The following STX8 variants were observed in gnomAD, a reference collection of about 807,000 sequenced individuals.
STX8 encodes the protein syntaxin-8.
Under a neutral mutation model 37.5 loss-of-function variants are expected in STX8, and 23 were observed. That is an observed-to-expected ratio of 0.61 (90% CI 0.44 to 0.87). The LOEUF is 0.87. Ranked by LOEUF, STX8 falls within the 40% of genes least tolerant of loss-of-function variation. STX8 has a pLI of 0.00. For synonymous variants in STX8, 115 were observed against 99.1 expected, an observed-to-expected ratio of 1.16 and a Z score of -0.95; for missense variants, 313 against 284.7, an observed-to-expected ratio of 1.10 and a Z score of -0.71.
At chr17:9,252,621 A>G (rs868592711) in intron 7 of STX8, among the ~76,000 whole-genome samples, 2 of 151,514 alleles carry the variant, frequency 1.3e-5, no homozygotes, top group African/African-American at 2.4e-5. Flanking sequence ...AAAAAAAAAA[A>G]AAAAGAAAAC....
chr17:9,258,592 C>A (rs1377651912), intron 7 of STX8, among the ~76,000 whole-genome samples: 2 of 152,240 alleles, frequency 1.3e-5, no homozygotes, highest in South Asian at 2.1e-4. Context: ...TCTGATCACA[C>A]CCCTCTTGAA....
chr17:9,296,871 T>C (rs1297916753), intron 7 of STX8, among the ~76,000 whole-genome samples: 4 of 152,166 alleles, frequency 2.6e-5, no homozygotes, highest in Non-Finnish European at 5.9e-5. Context: ...ACTAGTTGGG[T>C]GATTTTAGAC....
chr17:9,369,499 G>A (rs1346254163), intron 7 of STX8, among the ~76,000 whole-genome samples: 2 of 152,104 alleles, frequency 1.3e-5, no homozygotes, highest in Non-Finnish European at 2.9e-5. Context: ...ATAATTCTCT[G>A]AGAGACAAAA....
intron 7 of STX8, among the ~76,000 whole-genome samples, chr17:9,265,558 C>T (rs557349476): frequency 2.4e-4 from 36 of 152,354 alleles, no homozygotes; most frequent in Admixed American, 1.2e-3. Flanking sequence ...ACATTATATA[C>T]GTTACACATT....
At chr17:9,555,592 A>T (rs1188382452) in intron 3 of STX8, 1 of 152,132 alleles carries the variant, frequency 6.6e-6, no homozygotes, top group Non-Finnish European at 1.5e-5. Context: ...GCCCATCTGA[A>T]ACTACTAAAA....
At chr17:9,471,467 A>C (rs908033330) in intron 6 of STX8, among the ~76,000 whole-genome samples, 2 of 151,926 alleles carry the variant, frequency 1.3e-5, no homozygotes, top group East Asian at 3.9e-4. Flanking sequence ...GCTTTTCTTA[A>C]CAAGGCACTG....
intron 7 of STX8, 164 bp downstream of exon 7, chr17:9,378,388 C>T: frequency 1.7e-6 from 1 of 596,612 alleles, no homozygotes; most frequent in Non-Finnish European, 3.0e-6. Flanking sequence ...TTCATTTTGA[C>T]CAGATTTAAC....
intron 6 of STX8, among the ~76,000 whole-genome samples, chr17:9,471,844 T>G (rs1905878947): frequency 6.6e-6 from 1 of 152,170 alleles, no homozygotes; most frequent in South Asian, 2.1e-4. Flanking sequence ...GCCTTTTCCC[T>G]TTGCTGATTT....
At chr17:9,380,252 G>GT (rs1316019495) in intron 6 of STX8, among the ~76,000 whole-genome samples, 5 of 123,104 alleles carry the variant, frequency 4.1e-5, no homozygotes, top group African/African-American at 1.8e-4. Flanking sequence ...GAATTTCTGT[G>GT]TGTTTTTTTT....
intron 7 of STX8, among the ~76,000 whole-genome samples, chr17:9,254,456 C>T (rs1273085457): frequency 4.0e-5 from 6 of 151,710 alleles, no homozygotes; most frequent in Non-Finnish European, 8.8e-5. Context: ...AGTGCGGTGA[C>T]GTGATCTTGG....
chr17:9,316,327 G>T (rs546783937), intron 7 of STX8, among the ~76,000 whole-genome samples: 1 of 152,166 alleles, frequency 6.6e-6, no homozygotes, highest in South Asian at 2.1e-4. Flanking sequence ...CTGACTGGGG[G>T]CTCCTAGATA....
chr17:9,397,350 C>T (rs1267414676), intron 6 of STX8, among the ~76,000 whole-genome samples: 3 of 152,162 alleles, frequency 2.0e-5, no homozygotes, highest in Admixed American at 1.3e-4. Context: ...AAGCCGAGAT[C>T]GTGCCACTGC....
At chr17:9,347,205 A>G (rs866660352) in intron 7 of STX8, among the ~76,000 whole-genome samples, 48 of 152,096 alleles carry the variant, frequency 3.2e-4, no homozygotes, top group African/African-American at 1.1e-3. Flanking sequence ...ATGTATCCCC[A>G]ACATCTCCTA....
chr17:9,418,922 CTT>C (rs1199002351), intron 6 of STX8, among the ~76,000 whole-genome samples: 5 of 110,652 alleles, frequency 4.5e-5, no homozygotes, highest in Non-Finnish European at 5.6e-5. Flanking sequence ...CTTTTTTTTT[CTT>C]TTTTTTTTTT....
intron 7 of STX8, among the ~76,000 whole-genome samples, chr17:9,286,410 T>C (rs570079386): frequency 1.8e-4 from 28 of 152,306 alleles, no homozygotes; most frequent in African/African-American, 6.5e-4. Context: ...CAAAAAAATA[T>C]TGTCTTGAAC....
In STX8 at chr17:9,458,569, G is replaced by A. The variant is rs373944796; in HGVS notation, c.541+33260C>T. ...TCAAAAGTAATCATGACTTTGAGAA[G>A]ACCAATGCATGACTTGCTAGAAAAT... is the stretch of plus-strand genomic sequence containing the variant. On this transcript the variant is annotated intron_variant, in intron 6 of 7. Transcript: ENST00000306357. 6.6e-5 allele frequency among the ~76,000 whole-genome samples: 10 copies of A among 152,324 alleles called. No individual in the cohort carries two copies. In the South Asian group the frequency reaches 2.1e-3, roughly 32 times the overall value.
At chr17:9,509,259 AAAC>A (rs1904946262) in intron 4 of STX8, among the ~76,000 whole-genome samples, 1 of 152,162 alleles carries the variant, frequency 6.6e-6, no homozygotes, top group Admixed American at 6.5e-5. Flanking sequence ...AAAAACAAAC[AAAC>A]AACAATGACA....
At chr17:9,455,371 G>A (rs1014369385) in intron 6 of STX8, among the ~76,000 whole-genome samples, 20 of 151,840 alleles carry the variant, frequency 1.3e-4, no homozygotes, top group African/African-American at 4.8e-4. Flanking sequence ...ATGGTGGCAC[G>A]CGCCTGTAAT....
chr17:9,325,109 TGTGGG>T (rs1909711981), intron 7 of STX8, among the ~76,000 whole-genome samples: 1 of 152,182 alleles, frequency 6.6e-6, no homozygotes, highest in African/African-American at 2.4e-5. Flanking sequence ...CTTGCACAAC[TGTGGG>T]CTAATGTAAG....
Sources: gnomAD v4.1 joint callset for allele counts (sites outside exome capture counted in the v4.1 genomes callset) on GRCh38, gnomAD v4.1.1 for gene constraint, MANE v1.5 for transcripts, NCBI Gene and HGNC (gene_info 2026-07-23, HGNC 2026-07-21) for gene names.